The following TBCEL variants were observed in gnomAD, a reference collection of about 807,000 sequenced individuals.
TBCEL encodes tubulin-specific chaperone cofactor E-like protein.
TBCEL carries 15 observed loss-of-function variants against 44.2 expected under a neutral mutation model. That is an observed-to-expected ratio of 0.34 (90% CI 0.23 to 0.52). TBCEL has a LOEUF of 0.52. Among genes scored for constraint, TBCEL ranks in the 20% least tolerant of loss-of-function variants. The probability of loss-of-function intolerance (pLI) is 0.95; values close to 1 mark genes in which losing one functional copy is unlikely to be tolerated. For missense variants in TBCEL, 319 were observed against 506.3 expected, an observed-to-expected ratio of 0.63 and a Z score of 3.55; for synonymous variants, 171 against 185.4, an observed-to-expected ratio of 0.92 and a Z score of 0.63.
intron 2 of TBCEL, among the ~76,000 whole-genome samples, chr11:121,044,187 G>A (rs1224869714): frequency 6.6e-6 from 1 of 152,062 alleles, no homozygotes. Flanking sequence ...CGATCTCTCT[G>A]CTGTATTTTT....
At chr11:121,068,709 C>A (rs986547927) in intron 8 of TBCEL, among the ~76,000 whole-genome samples, 3 of 151,834 alleles carry the variant, frequency 2.0e-5, no homozygotes, top group African/African-American at 7.3e-5. Context: ...CATGGAGAGA[C>A]CCTGTCTCTA....
chr11:121,059,160 T>A (rs1177111772), intron 7 of TBCEL, among the ~76,000 whole-genome samples: 1 of 151,958 alleles, frequency 6.6e-6, no homozygotes, highest in African/African-American at 2.4e-5. Context: ...AGAAGAGTGG[T>A]TCTTTAAACA....
rs150836249 is a variant in TBCEL at position 121,045,478 on chromosome 11, T to C, written c.-17-196T>C. Among the ~76,000 whole-genome samples the C allele has an allele frequency of 4.2e-3, 636 of 152,272 alleles. 2 individuals are homozygous for C. The highest frequency in any genetic ancestry group is 0.014 in the African/African-American group (584 of 41,562). ...ATTGCAGATATATGCTCAACTGTTA[T>C]TGCTGTCATTTGTATATGTAGCTTC... On this transcript the variant is annotated intron_variant, in intron 2 of 8. Coordinates refer to ENST00000683345, the MANE Select transcript of TBCEL (RefSeq NM_001363644.2).
intron 8 of TBCEL, among the ~76,000 whole-genome samples, chr11:121,065,879 A>G (rs1465863241): frequency 6.6e-6 from 1 of 152,216 alleles, no homozygotes; most frequent in African/African-American, 2.4e-5. Flanking sequence ...TCCCTTCAAC[A>G]CTAATATGAT....
At chr11:121,055,861 C>G (rs1945610613) in intron 6 of TBCEL, among the ~76,000 whole-genome samples, 1 of 149,218 alleles carries the variant, frequency 6.7e-6, no homozygotes, top group South Asian at 2.1e-4. Context: ...TCATATACCC[C>G]TTGTTCCCAC....
chr11:121,051,858 G>T (rs1945535016), intron 4 of TBCEL, among the ~76,000 whole-genome samples: 2 of 151,750 alleles, frequency 1.3e-5, no homozygotes, highest in African/African-American at 2.4e-5. Flanking sequence ...AAACTTCTTG[G>T]AATTAATCTA....
intron 8 of TBCEL, among the ~76,000 whole-genome samples, chr11:121,072,509 A>G (rs1945953964): frequency 6.6e-6 from 1 of 152,198 alleles, no homozygotes; most frequent in East Asian, 1.9e-4. Context: ...TACTACTCTC[A>G]GTCCTATTTC....
At chr11:121,081,148 T>A (rs1205996192) in intron 8 of TBCEL, among the ~76,000 whole-genome samples, 2 of 152,222 alleles carry the variant, frequency 1.3e-5, no homozygotes, top group African/African-American at 2.4e-5. Flanking sequence ...ACCAGTTTGC[T>A]TGTGGGTGGT....
Position 121,045,801 on chromosome 11 carries a change from ACCTCAGGGCTCTCCTATG to A in TBCEL, c.112_129del (p.Pro38_Met43del). The A allele has an allele frequency of 1.2e-6, 2 of 1,604,016 alleles. No individual in the cohort carries two copies. Among genetic ancestry groups the A allele is most frequent in the Non-Finnish European group, 1.7e-6 (2 of 1,177,012 alleles). On this transcript the variant is annotated inframe_deletion, in exon 3 of 9. Coordinates refer to ENST00000683345, the MANE Select transcript of TBCEL (RefSeq NM_001363644.2). ...GGATGGGAGTCCATGTCCCAGCCAC[ACCTCAGGGCTCTCCTATG>A]AAAGGTAAGAAAGATGGGACCTAAA... is the stretch of plus-strand genomic sequence containing the variant.
intron 1 of TBCEL, among the ~76,000 whole-genome samples, chr11:121,033,464 C>T (rs1412192700): frequency 1.3e-5 from 2 of 152,054 alleles, no homozygotes; most frequent in East Asian, 3.9e-4. Context: ...ATTAGATCTC[C>T]CACTAAATGT....
intron 8 of TBCEL, 116 bp downstream of exon 8, chr11:121,060,201 A>G (rs972454100): frequency 1.5e-6 from 1 of 680,394 alleles, no homozygotes; most frequent in Non-Finnish European, 2.5e-6. Flanking sequence ...GAACTTTGTT[A>G]ATACGTTAAA....
intron 5 of TBCEL, 81 bp from the exon 6 acceptor site, chr11:121,054,971 A>G (rs1161954030): frequency 7.3e-7 from 1 of 1,365,118 alleles, no homozygotes; most frequent in Non-Finnish European, 9.6e-7. Flanking sequence ...GCACTTACTT[A>G]TTTATTGAAT....
intron 8 of TBCEL, among the ~76,000 whole-genome samples, chr11:121,079,598 T>G (rs1258609121): frequency 1.3e-5 from 2 of 152,168 alleles, no homozygotes; most frequent in African/African-American, 4.8e-5. Flanking sequence ...AATGTGATGC[T>G]TATGTGTTTT....
At chr11:121,067,128 G>T (rs1945835652) in intron 8 of TBCEL, among the ~76,000 whole-genome samples, 1 of 152,130 alleles carries the variant, frequency 6.6e-6, no homozygotes, top group Non-Finnish European at 1.5e-5. Context: ...TGTCTTTGAG[G>T]TTATGAATAA....
At chr11:121,044,102 G>T (rs1483888816) in intron 2 of TBCEL, among the ~76,000 whole-genome samples, 1 of 151,976 alleles carries the variant, frequency 6.6e-6, no homozygotes, top group African/African-American at 2.4e-5. Context: ...TTTCTGAATA[G>T]CTTGCTTTTT....
Position 121,089,940 on chromosome 11 carries a change from G to A in TBCEL, c.*2844G>A, listed in dbSNP as rs1031292684. 1.3e-5 allele frequency: 2 copies of A among 152,282 alleles called. No individual in the cohort carries two copies. The highest frequency in any genetic ancestry group is 4.8e-5 in the African/African-American group (2 of 41,572). The allele number at this position is 152,282 out of a possible 1,614,324, so 9.4% of individuals were successfully genotyped here. A position where few individuals can be genotyped will look rare whatever the true frequency, so the allele number is the denominator to read the frequency against. On this transcript the variant is annotated 3_prime_UTR_variant, in exon 9 of 9. Coordinates refer to ENST00000683345, the MANE Select transcript of TBCEL (RefSeq NM_001363644.2). ...CCTTTCTACATGTGGGTGAACGGCT[G>A]CTAAAGCCACAGTAGAAACCAATTT... is the stretch of plus-strand genomic sequence containing the variant.
chr11:121,047,578 T>C lies in TBCEL; in HGVS notation c.184T>C (p.Cys62Arg), dbSNP rs551858104. ...AGTGTTGAACAGCTGTGGAATAACC[T>C]GTGCAGGAGATGAAAAAGAAATTGC... ...VLVLNSCGITCAGDEKEIAAF... is the reference protein window; with the variant it reads ...VLVLNSCGITRAGDEKEIAAF... Residue 62 changes from cysteine to arginine, a missense_variant, in exon 4 of 9, where the codon TGT (cysteine) becomes CGT (arginine). By Grantham distance (180) the Cys-to-Arg change is radical. Transcript: ENST00000683345. The C allele has an allele frequency of 1.9e-6, 3 of 1,612,830 alleles. No individual in the cohort carries two copies. The highest frequency in any genetic ancestry group is 2.7e-5 in the African/African-American group (2 of 74,910).
intron 7 of TBCEL, among the ~76,000 whole-genome samples, chr11:121,058,881 G>A (rs1348777977): frequency 2.0e-5 from 3 of 151,640 alleles, no homozygotes; most frequent in Non-Finnish European, 4.4e-5. Flanking sequence ...AAACTTAAGA[G>A]GGCAGCATCT....
intron 2 of TBCEL, among the ~76,000 whole-genome samples, chr11:121,041,726 A>G (rs1027660938): frequency 6.6e-6 from 1 of 151,158 alleles, no homozygotes; most frequent in African/African-American, 2.4e-5. Flanking sequence ...TTTCCCACCT[A>G]CTGTTCCTCC....
Sources: allele counts gnomAD v4.1 joint callset (sites outside exome capture counted in the v4.1 genomes callset), GRCh38; gene constraint gnomAD v4.1.1; transcripts MANE v1.5; gene names NCBI Gene and HGNC (gene_info 2026-07-23, HGNC 2026-07-21).